Variants in PDE3B observed in about 807,000 individuals in gnomAD.
The protein encoded by PDE3B is cGMP-inhibited 3',5'-cyclic phosphodiesterase 3B.
PDE3B carries 66 observed loss-of-function variants against 116.8 expected under a neutral mutation model. The ratio of observed to expected loss-of-function variants is 0.56; its 90% CI spans 0.46 to 0.69. The LOEUF (loss-of-function observed/expected upper bound fraction) is 0.69. PDE3B is among the 30% of genes least tolerant of loss of function. PDE3B has a pLI of 0.00. For synonymous variants in PDE3B, 595 were observed against 533.6 expected (o/e 1.12, Z -1.59); for missense variants, 1,384 against 1,368.1 (o/e 1.01, Z -0.18).
intron 1 of PDE3B, among the ~76,000 whole-genome samples, chr11:14,662,367 G>A (rs922871291): frequency 4.6e-5 from 7 of 152,270 alleles, no homozygotes; most frequent in South Asian, 2.1e-4. Flanking sequence ...AAAAAACAGA[G>A]CAGAAAAACT....
At chr11:14,751,228 G>A (rs150849299) in intron 1 of PDE3B, among the ~76,000 whole-genome samples, 2 of 152,230 alleles carry the variant, frequency 1.3e-5, no homozygotes, top group African/African-American at 4.8e-5. Flanking sequence ...TTTTAAAAAT[G>A]TTATAGAAGT....
the PDE3B span, chr11:14,880,354 A>G: frequency 7.4e-6 from 12 of 1,613,242 alleles, no homozygotes; most frequent in East Asian, 2.2e-5. Flanking sequence ...AGCTTTTTCA[A>G]TGAGTCTGGA....
chr11:14,789,047 A>ATTACATATAT (rs2133918779), intron 3 of PDE3B, 59 bp from the exon 4 acceptor site: 1 of 1,216,552 alleles, frequency 8.2e-7, no homozygotes, highest in African/African-American at 1.5e-5. Context: ...CATCACTAAT[A>ATTACATATAT]TTACATATAT....
At chr11:14,716,523 TGACAGCTTTGAA>T (rs1855902518) in intron 1 of PDE3B, among the ~76,000 whole-genome samples, 1 of 147,440 alleles carries the variant, frequency 6.8e-6, no homozygotes, top group Non-Finnish European at 1.5e-5. Context: ...TGTCCCTGTC[TGACAGCTTTGAA>T]GAGAGCAGTG....
intron 6 of PDE3B, among the ~76,000 whole-genome samples, 200 bp from the exon 7 acceptor site, chr11:14,818,936 T>G (rs1859421968): frequency 6.6e-6 from 1 of 152,160 alleles, no homozygotes; most frequent in Non-Finnish European, 1.5e-5. Context: ...CAATGTTGAC[T>G]TTTCAAAAAT....
At chr11:14,845,738 G>T (rs867980169) in intron 12 of PDE3B, among the ~76,000 whole-genome samples, 1 of 152,114 alleles carries the variant, frequency 6.6e-6, no homozygotes, top group African/African-American at 2.4e-5. Context: ...AAAGGGTTTC[G>T]GTGATGGAAG....
At chr11:14,683,541 A>G (rs993934095) in intron 1 of PDE3B, among the ~76,000 whole-genome samples, 1 of 151,724 alleles carries the variant, frequency 6.6e-6, no homozygotes, top group East Asian at 1.9e-4. Context: ...TATTCTTGTT[A>G]TTGGTAATTT....
At chr11:14,779,128 G>C (rs1033405265) in intron 2 of PDE3B, among the ~76,000 whole-genome samples, 2 of 151,394 alleles carry the variant, frequency 1.3e-5, no homozygotes, top group African/African-American at 2.4e-5. Flanking sequence ...AGAGAAAAAA[G>C]AAAGAAATGA....
chr11:14,881,539 A>T, the PDE3B span, among the ~76,000 whole-genome samples: 1 of 152,104 alleles, frequency 6.6e-6, no homozygotes, highest in African/African-American at 2.4e-5. Flanking sequence ...TTTCACATTG[A>T]TAAGTGATTC....
At chr11:14,758,804 G>A (rs943204661) in intron 1 of PDE3B, among the ~76,000 whole-genome samples, 13 of 151,766 alleles carry the variant, frequency 8.6e-5, no homozygotes, top group Non-Finnish European at 1.6e-4. Context: ...CCAACACTAT[G>A]TTGAATAGGA....
intron 1 of PDE3B, among the ~76,000 whole-genome samples, chr11:14,664,818 A>T (rs1854072610): frequency 6.6e-6 from 1 of 152,234 alleles, no homozygotes; most frequent in Non-Finnish European, 1.5e-5. Context: ...ATGGATTCAC[A>T]GCCGAATTAT....
rs754616607 is a variant in PDE3B, at chr11:14,644,155, T to C, written c.80T>C (p.Leu27Pro). 1.3e-6 allele frequency: 2 copies of C among 1,591,786 alleles called. No homozygotes were observed. The highest frequency in any genetic ancestry group is 1.7e-5 in the Admixed American group (1 of 59,236). ...GGGGCCGGCTCGCCCCCCGAGAGTC[T>C]GAGGAACGGCTACGTGAAGAGCTGC... Reference protein sequence around the residue: ...PDGAGSPPESLRNGYVKSCVS... With the variant: ...PDGAGSPPESPRNGYVKSCVS... Residue 27 changes from leucine to proline, a missense_variant, in exon 1 of 16, where the codon CTG becomes CCG. This residue lies in a region of PDE3B where 956 missense variants were observed against 806.8 expected (regional missense o/e 1.18). Coordinates refer to ENST00000282096, the MANE Select transcript of PDE3B (RefSeq NM_000922.4).
chr11:14,644,178 T>G lies in PDE3B; in HGVS notation c.103T>G (p.Cys35Gly), dbSNP rs771347293. Reference sequence around the variant, plus strand: ...TCTGAGGAACGGCTACGTGAAGAGCTGCGTGAGCCCCTTGCGGCAGGACCC... The same window carrying G: ...TCTGAGGAACGGCTACGTGAAGAGCGGCGTGAGCCCCTTGCGGCAGGACCC... ...ESLRNGYVKS[C>G]VSPLRQDPPR... Residue 35 changes from cysteine to glycine, a missense_variant, in exon 1 of 16, where the codon TGC (cysteine) becomes GGC (glycine). Cys to Gly is a radical substitution (Grantham distance 159, BLOSUM62 -3). This residue lies in a region of PDE3B where 956 missense variants were observed against 806.8 expected (regional missense o/e 1.18). Coordinates refer to ENST00000282096, the MANE Select transcript of PDE3B (RefSeq NM_000922.4). The G allele has an allele frequency of 6.3e-7, 1 of 1,596,346 alleles. No individual in the cohort carries two copies. Among genetic ancestry groups the G allele is most frequent in the Admixed American group, 1.7e-5 (1 of 59,632 alleles).
At chr11:14,824,417 CAG>C (rs1486465345) in intron 7 of PDE3B, among the ~76,000 whole-genome samples, 1 of 152,090 alleles carries the variant, frequency 6.6e-6, no homozygotes, top group African/African-American at 2.4e-5. Context: ...CAGGAGCTGA[CAG>C]ATGAAATAGC....
rs1400847269 is a variant in PDE3B at position 14,717,965 on chromosome 11, C to T, written c.979-53972C>T. 4.9e-3 allele frequency among the ~76,000 whole-genome samples: 725 copies of T among 147,850 alleles called. 10 individuals carry two copies. Among genetic ancestry groups the T allele is most frequent in the African/African-American group, 0.018 (707 of 40,240 alleles). On this transcript the variant is annotated intron_variant, in intron 1 of 15. Transcript: ENST00000282096. ...TGGACTAAATGCTCCAATTAAAAGACACAGACTGGCAAGTTGGATAAAGAG... is the reference window on the plus strand; with the variant it reads ...TGGACTAAATGCTCCAATTAAAAGATACAGACTGGCAAGTTGGATAAAGAG...
intron 1 of PDE3B, among the ~76,000 whole-genome samples, chr11:14,741,848 A>G (rs1856783639): frequency 6.6e-6 from 1 of 152,076 alleles, no homozygotes; most frequent in Non-Finnish European, 1.5e-5. Context: ...TTGTTTATCA[A>G]GCTTTAGTTT....
intron 5 of PDE3B, among the ~76,000 whole-genome samples, chr11:14,811,852 C>T (rs61877636): frequency 7.2e-5 from 11 of 152,106 alleles, no homozygotes; most frequent in Non-Finnish European, 1.5e-4. Flanking sequence ...GAAGAGGTCC[C>T]TCACGTCCCT....
intron 2 of PDE3B, among the ~76,000 whole-genome samples, chr11:14,779,024 A>G (rs997921089): frequency 2.0e-5 from 3 of 152,314 alleles, no homozygotes; most frequent in African/African-American, 7.2e-5. Flanking sequence ...TGCGTGACAC[A>G]TGCACAAGCT....
intron 1 of PDE3B, among the ~76,000 whole-genome samples, chr11:14,746,339 C>T (rs561948013): frequency 6.6e-6 from 1 of 152,206 alleles, no homozygotes; most frequent in Admixed American, 6.5e-5. Context: ...GAGCCGAGAT[C>T]GCACCAGTGC....
Sources: allele counts gnomAD v4.1 joint callset (sites outside exome capture counted in the v4.1 genomes callset), GRCh38; gene constraint gnomAD v4.1.1; regional missense constraint gnomAD v4.1.1; transcripts MANE v1.5; gene names NCBI Gene and HGNC (gene_info 2026-07-23, HGNC 2026-07-21).